The following SNTG1 variants were observed in gnomAD, a reference collection of about 807,000 sequenced individuals.
SNTG1 encodes gamma-1-syntrophin.
Under a neutral mutation model 74.7 loss-of-function variants are expected in SNTG1, and 39 were observed. The ratio of observed to expected loss-of-function variants is 0.52; its 90% confidence interval spans 0.40 to 0.68. The LOEUF is 0.68. Among genes scored for constraint, SNTG1 ranks in the 30% least tolerant of loss-of-function variants. SNTG1 has a pLI of 0.00. For synonymous variants in SNTG1, 254 were observed against 217.1 expected (o/e 1.17, Z -1.49); for missense variants, 685 against 609.5 (o/e 1.12, Z -1.30).
intron 9 of SNTG1, among the ~76,000 whole-genome samples, chr8:50,508,081 T>TCCCCG (rs1563494941): frequency 0.041 from 6,142 of 151,468 alleles, 425 homozygotes; most frequent in African/African-American, 0.14. Context: ...CCCACTCCCC[T>TCCCCG]CAACAGGCTA....
chr8:50,149,245 T>A (rs1281840359), intron 1 of SNTG1, among the ~76,000 whole-genome samples: 1 of 152,232 alleles, frequency 6.6e-6, no homozygotes, highest in African/African-American at 2.4e-5. Flanking sequence ...GTTGTTTGTT[T>A]TTTTCTCGTA....
At chr8:50,707,377 G>A (rs1007594109) in intron 16 of SNTG1, among the ~76,000 whole-genome samples, 3 of 152,046 alleles carry the variant, frequency 2.0e-5, no homozygotes, top group Non-Finnish European at 2.9e-5. Context: ...ATGTAAGCAT[G>A]CACAATGCTT....
chr8:50,363,386 A>G (rs1402501406), intron 2 of SNTG1, among the ~76,000 whole-genome samples: 1 of 152,124 alleles, frequency 6.6e-6, no homozygotes, highest in Non-Finnish European at 1.5e-5. Context: ...GTGGTGGCCG[A>G]AGGTGCAGAG....
chr8:50,254,948 CTTTTTTTTTTTT>C (rs4006072), intron 2 of SNTG1, among the ~76,000 whole-genome samples: 2 of 85,298 alleles, frequency 2.3e-5, no homozygotes, highest in East Asian at 9.8e-4. Context: ...TTTATTGCCA[CTTTTTTTTTTTT>C]TTTTTTTTTT....
At chr8:50,401,413 C>A (rs1298486200) in intron 3 of SNTG1, among the ~76,000 whole-genome samples, 1 of 152,124 alleles carries the variant, frequency 6.6e-6, no homozygotes, top group African/African-American at 2.4e-5. Flanking sequence ...GATAATAGCA[C>A]AAGTTCAGAA....
At chr8:50,683,957 T>C (rs2095341511) in intron 15 of SNTG1, among the ~76,000 whole-genome samples, 1 of 152,206 alleles carries the variant, frequency 6.6e-6, no homozygotes, top group Admixed American at 6.5e-5. Context: ...AAAAAATTGG[T>C]ATAAGCTGCT....
chr8:50,429,826 A>G (rs1164517653), intron 4 of SNTG1, among the ~76,000 whole-genome samples: 2 of 152,160 alleles, frequency 1.3e-5, no homozygotes, highest in African/African-American at 2.4e-5. Context: ...TAATTTGACT[A>G]GATGTTTCAC....
At chr8:50,419,513 A>T (rs1209992164) in intron 4 of SNTG1, among the ~76,000 whole-genome samples, 1 of 152,142 alleles carries the variant, frequency 6.6e-6, no homozygotes, top group Non-Finnish European at 1.5e-5. Flanking sequence ...TGAAATTCAA[A>T]TCTGTGCAGC....
At chr8:50,490,643 C>T (rs771456796) in intron 8 of SNTG1, among the ~76,000 whole-genome samples, 13 of 152,174 alleles carry the variant, frequency 8.5e-5, no homozygotes, top group African/African-American at 2.7e-4. Flanking sequence ...AGGTTAAAAC[C>T]GTAAATCCAC....
In SNTG1 at chr8:50,105,112, C is replaced by T. The variant is rs566263895; in HGVS notation, c.-102-67449C>T. 2.0e-5 allele frequency among the ~76,000 whole-genome samples: 3 copies of T among 152,054 alleles called. No individual in the cohort carries two copies. The South Asian group carries it at 6.2e-4, about 32-fold the overall frequency. On this transcript the variant is annotated intron_variant, in intron 1 of 18. Transcript: ENST00000642720. ...GGCATCTGCATCTTGAAATCTTTGCCATATCCTACATCCATTCCTAGGTTA... is the reference window on the plus strand; with the variant it reads ...GGCATCTGCATCTTGAAATCTTTGCTATATCCTACATCCATTCCTAGGTTA...
At chr8:50,527,431 G>C (rs969894349) in intron 9 of SNTG1, among the ~76,000 whole-genome samples, 3 of 151,836 alleles carry the variant, frequency 2.0e-5, no homozygotes, top group African/African-American at 7.2e-5. Context: ...GAGGCCTGTT[G>C]CTTTAGCTTT....
chr8:50,422,628 G>C (rs910856125), intron 4 of SNTG1, among the ~76,000 whole-genome samples: 5 of 151,964 alleles, frequency 3.3e-5, no homozygotes, highest in Non-Finnish European at 7.4e-5. Context: ...GGGGGAAGGG[G>C]TGAGGTTGAT....
At chr8:50,572,258 T>A (rs542026492) in intron 12 of SNTG1, among the ~76,000 whole-genome samples, 17 of 93,122 alleles carry the variant, frequency 1.8e-4, no homozygotes, top group South Asian at 2.9e-4. Flanking sequence ...ATCACCTATT[T>A]TATATATATA....
chr8:50,664,780 C>G (rs137966145), intron 15 of SNTG1, among the ~76,000 whole-genome samples: 1 of 151,992 alleles, frequency 6.6e-6, no homozygotes, highest in African/African-American at 2.4e-5. Flanking sequence ...GACTTGAAGC[C>G]CAAGTGTAGT....
At chr8:49,954,833 G>T (rs1275451199) in intron 1 of SNTG1, among the ~76,000 whole-genome samples, 2 of 152,034 alleles carry the variant, frequency 1.3e-5, no homozygotes, top group African/African-American at 4.8e-5. Flanking sequence ...CTCCAAAGAA[G>T]AAACTTTGTA....
chr8:50,200,345 A>C (rs754369302), intron 2 of SNTG1, among the ~76,000 whole-genome samples: 16 of 152,204 alleles, frequency 1.1e-4, no homozygotes, highest in Non-Finnish European at 1.8e-4. Context: ...CCTGAAGACT[A>C]TGACATCAGA....
At chr8:50,603,861 G>T (rs1296442075) in intron 13 of SNTG1, among the ~76,000 whole-genome samples, 2 of 152,134 alleles carry the variant, frequency 1.3e-5, no homozygotes, top group Non-Finnish European at 2.9e-5. Context: ...AGAACTGGAG[G>T]ATGGGTGATG....
At position 50,763,648 on chromosome 8, in the gene SNTG1, TTGTGTGTGTGTGTGTGTGTGTG is replaced by T. The variant is rs141415804; in HGVS notation, c.1395+11560_1395+11581del. On this transcript the variant is annotated intron_variant, in intron 18 of 18. Coordinates refer to ENST00000642720, the MANE Select transcript of SNTG1 (RefSeq NM_018967.5). ...CTCTTTTGGCTCAAGATTGCCTTTA[TTGTGTGTGTGTGTGTGTGTGTG>T]TGTGTGTGTGTGTGTGTGTGTGGTT... Among the ~76,000 whole-genome samples the T allele has an allele frequency of 1.5e-4, 17 of 117,142 alleles. 1 individual carries two copies. The East Asian group carries it at 3.9e-3, about 27-fold the overall frequency. The allele number at this position is 117,142 out of a possible 152,430, so 76.8% of individuals were successfully genotyped here.
intron 2 of SNTG1, among the ~76,000 whole-genome samples, chr8:50,288,790 T>C (rs932899581): frequency 6.6e-6 from 1 of 152,300 alleles, no homozygotes; most frequent in South Asian, 2.1e-4. Context: ...CAGAGGTTAA[T>C]GTACTTAAAG....
Sources: gnomAD v4.1 joint callset for allele counts (sites outside exome capture counted in the v4.1 genomes callset) on GRCh38, gnomAD v4.1.1 for gene constraint, MANE v1.5 for transcripts, NCBI Gene and HGNC (gene_info 2026-07-23, HGNC 2026-07-21) for gene names.